VDAC1: variants seen among roughly 807,000 people sequenced by gnomAD.
VDAC1 encodes non-selective voltage-gated ion channel VDAC1.
In VDAC1, 10 loss-of-function variants were observed where a neutral mutation model predicts 34.7. The ratio of observed to expected loss-of-function variants is 0.29; its 90% confidence interval spans 0.18 to 0.49. The LOEUF (loss-of-function observed/expected upper bound fraction) is 0.49. Among genes scored for constraint, VDAC1 ranks in the 20% least tolerant of loss-of-function variants. The pLI is 0.99. For synonymous variants in VDAC1, 130 were observed against 136.0 expected (o/e 0.96, Z 0.30); for missense variants, 230 against 347.9 (o/e 0.66, Z 2.69).
the VDAC1 span, among the ~76,000 whole-genome samples, chr5:134,104,047 C>T: frequency 2.6e-5 from 4 of 152,196 alleles, no homozygotes; most frequent in Non-Finnish European, 4.4e-5. Flanking sequence ...CACCCTGAGC[C>T]CTGGCCTGGG....
chr5:134,062,013 C>G, the VDAC1 span, among the ~76,000 whole-genome samples: 1 of 151,474 alleles, frequency 6.6e-6, no homozygotes, highest in Non-Finnish European at 1.5e-5. Context: ...GAGTCTTGCT[C>G]TGTCGTCCAG....
chr5:134,073,411 T>C, the VDAC1 span, among the ~76,000 whole-genome samples: 1 of 152,206 alleles, frequency 6.6e-6, no homozygotes, highest in Non-Finnish European at 1.5e-5. Flanking sequence ...GGCCCGCCAA[T>C]GTATAGCTTA....
chr5:134,101,620 G>A, the VDAC1 span, among the ~76,000 whole-genome samples: 4 of 151,998 alleles, frequency 2.6e-5, no homozygotes, highest in Non-Finnish European at 5.9e-5. Context: ...GTCGGCACAG[G>A]AGGTAATCCG....
the VDAC1 span, among the ~76,000 whole-genome samples, chr5:134,033,202 G>T: frequency 7.0e-6 from 1 of 143,492 alleles, no homozygotes; most frequent in South Asian, 2.2e-4. Context: ...CTGTCACCCA[G>T]GCTGGAGTGC....
chr5:134,101,331 T>C, the VDAC1 span, among the ~76,000 whole-genome samples: 1 of 151,652 alleles, frequency 6.6e-6, no homozygotes, highest in African/African-American at 2.4e-5. Context: ...GGCTCACGCC[T>C]GTAATCCCAG....
At chr5:134,007,983 C>G (rs13156291), upstream of VDAC1, among the ~76,000 whole-genome samples, 86,106 of 151,904 alleles carry the variant, frequency 0.57, 24,576 homozygotes, top group Admixed American at 0.61. Context: ...TTTCTCTGGG[C>G]GAATGACCCT....
At chr5:134,103,211 T>C in the VDAC1 span, among the ~76,000 whole-genome samples, 1 of 152,110 alleles carries the variant, frequency 6.6e-6, no homozygotes, top group Admixed American at 6.6e-5. Flanking sequence ...AGCCTCCACC[T>C]CCCAGGCTCA....
the VDAC1 span, among the ~76,000 whole-genome samples, chr5:134,026,560 T>G: frequency 3.7e-5 from 5 of 136,564 alleles, no homozygotes; most frequent in Admixed American, 3.7e-4. Context: ...TTGATCAAAA[T>G]GATAGAAAAA....
chr5:134,044,517 G>A, the VDAC1 span, among the ~76,000 whole-genome samples: 1 of 152,186 alleles, frequency 6.6e-6, no homozygotes, highest in Non-Finnish European at 1.5e-5. Context: ...TCCCTCAGTG[G>A]ACAGAAGTGT....
chr5:134,070,172 C>T, the VDAC1 span, among the ~76,000 whole-genome samples: 83 of 152,256 alleles, frequency 5.5e-4, no homozygotes, highest in East Asian at 0.012. Context: ...GGTGGAGCCT[C>T]GCTCTGTTGC....
chr5:134,071,607 C>A, the VDAC1 span, among the ~76,000 whole-genome samples: 37 of 152,234 alleles, frequency 2.4e-4, no homozygotes, highest in Non-Finnish European at 4.9e-4. This position sits in a 1 kb window ranked among gnomAD's most constrained non-coding sequence, Gnocchi z 4.1. Context: ...ACGCAGAATT[C>A]CCCTTAGCCT....
At chr5:134,035,979 C>G in the VDAC1 span, among the ~76,000 whole-genome samples, 1 of 149,218 alleles carries the variant, frequency 6.7e-6, no homozygotes, top group East Asian at 2.0e-4. Flanking sequence ...GCACTCCAAC[C>G]CGGACAACAG....
the VDAC1 span, among the ~76,000 whole-genome samples, chr5:134,065,789 ATTTTTTT>A: frequency 2.0e-5 from 2 of 99,850 alleles, no homozygotes; most frequent in Non-Finnish European, 3.8e-5. Context: ...CAGATAGTAA[ATTTTTTT>A]TTTTTTTTTT....
At chr5:134,047,676 T>G in the VDAC1 span, among the ~76,000 whole-genome samples, 15 of 152,168 alleles carry the variant, frequency 9.9e-5, no homozygotes, top group Non-Finnish European at 1.5e-4. Flanking sequence ...ATTGGGGTGT[T>G]TCTTGTTCTG....
At chr5:134,040,976 C>G in the VDAC1 span, among the ~76,000 whole-genome samples, 1 of 152,136 alleles carries the variant, frequency 6.6e-6, no homozygotes, top group Non-Finnish European at 1.5e-5. Context: ...GTAGCTTTCA[C>G]TAAAAGGATT....
chr5:134,102,597 G>A, the VDAC1 span, among the ~76,000 whole-genome samples: 4 of 152,246 alleles, frequency 2.6e-5, no homozygotes, highest in East Asian at 1.9e-4. Flanking sequence ...GAACCCGGGA[G>A]GTGGAGGTTG....
At chr5:134,011,791 C>G in the VDAC1 span, among the ~76,000 whole-genome samples, 4 of 152,080 alleles carry the variant, frequency 2.6e-5, no homozygotes, top group Non-Finnish European at 5.9e-5. Flanking sequence ...AGGTGCCCAC[C>G]ACCAGGCCCG....
At chr5:134,087,402 G>A in the VDAC1 span, among the ~76,000 whole-genome samples, 2 of 152,244 alleles carry the variant, frequency 1.3e-5, no homozygotes, top group South Asian at 4.1e-4. Context: ...AATAGGGAGT[G>A]GAGAGGAAGC....
At chr5:134,025,545 T>C in the VDAC1 span, among the ~76,000 whole-genome samples, 2 of 152,106 alleles carry the variant, frequency 1.3e-5, no homozygotes, top group African/African-American at 2.4e-5. Context: ...GTAGAGCCAG[T>C]AGGATTCAGT....
Sources: allele counts gnomAD v4.1 joint callset (sites outside exome capture counted in the v4.1 genomes callset), GRCh38; gene constraint gnomAD v4.1.1; non-coding constraint Gnocchi (gnomAD v3.1); transcripts MANE v1.5; gene names NCBI Gene and HGNC (gene_info 2026-07-23, HGNC 2026-07-21).